The following GULP1 variants were observed in gnomAD, a reference collection of about 807,000 sequenced individuals.
The protein encoded by GULP1 is PTB domain-containing engulfment adapter protein 1.
A neutral mutation model predicts 40.9 loss-of-function variants in GULP1; 19 were observed. That is an observed-to-expected ratio of 0.46 (90% CI 0.32 to 0.68). GULP1 has a LOEUF of 0.68. Among genes scored for constraint, GULP1 ranks in the 30% least tolerant of loss-of-function variants. The pLI is 0.03. For synonymous variants in GULP1, 119 were observed against 117.6 expected (o/e 1.01, Z -0.08); for missense variants, 312 against 362.2 (o/e 0.86, Z 1.12).
At chr2:188,303,559 G>A (rs2036514563) in intron 1 of GULP1, among the ~76,000 whole-genome samples, 1 of 152,194 alleles carries the variant, frequency 6.6e-6, no homozygotes, top group South Asian at 2.1e-4. Flanking sequence ...GTAAAGCTGT[G>A]TGGCAACCAG....
chr2:188,330,775 T>C (rs533097059), intron 1 of GULP1, among the ~76,000 whole-genome samples: 1 of 152,332 alleles, frequency 6.6e-6, no homozygotes, highest in African/African-American at 2.4e-5. Flanking sequence ...TATTCTTTGT[T>C]TGAAAATGAA....
At chr2:188,533,656 T>A (rs1042790427) in intron 6 of GULP1, among the ~76,000 whole-genome samples, 9 of 152,134 alleles carry the variant, frequency 5.9e-5, no homozygotes, top group African/African-American at 2.2e-4. Flanking sequence ...AAAGAGCCTC[T>A]GCACAGCAAA....
intron 1 of GULP1, among the ~76,000 whole-genome samples, chr2:188,379,122 T>G (rs2152485918): frequency 6.6e-6 from 1 of 152,266 alleles, no homozygotes; most frequent in Non-Finnish European, 1.5e-5. Context: ...TCCTACTTTT[T>G]CTAATCAGAA....
At chr2:188,440,693 C>G (rs1202002163) in intron 2 of GULP1, among the ~76,000 whole-genome samples, 2 of 152,098 alleles carry the variant, frequency 1.3e-5, no homozygotes, top group Non-Finnish European at 2.9e-5. Flanking sequence ...GCCTCCTGAG[C>G]AGTCATACTA....
chr2:188,580,563 A>T (rs1250334181), intron 9 of GULP1, among the ~76,000 whole-genome samples: 1 of 152,028 alleles, frequency 6.6e-6, no homozygotes. Flanking sequence ...AAAAAAAAAA[A>T]AAAAATGGAG....
intron 1 of GULP1, among the ~76,000 whole-genome samples, chr2:188,299,285 G>T (rs1303737003): frequency 6.7e-6 from 1 of 149,046 alleles, no homozygotes; most frequent in East Asian, 1.9e-4. Flanking sequence ...CTAGGAGGGG[G>T]TTGTTTACTA....
chr2:188,322,921 C>T (rs912132190), intron 1 of GULP1, among the ~76,000 whole-genome samples: 6 of 152,088 alleles, frequency 3.9e-5, no homozygotes, highest in Admixed American at 3.3e-4. Flanking sequence ...CTTCAAAGTT[C>T]TGCCTTTTGT....
At chr2:188,347,799 G>A (rs961868757) in intron 1 of GULP1, among the ~76,000 whole-genome samples, 7 of 152,044 alleles carry the variant, frequency 4.6e-5, no homozygotes, top group Admixed American at 3.9e-4. Context: ...TCTATTTTTT[G>A]TAGAGATGGC....
chr2:188,333,847 GA>G (rs2041934431), intron 1 of GULP1, among the ~76,000 whole-genome samples: 1 of 152,112 alleles, frequency 6.6e-6, no homozygotes. Flanking sequence ...GTTCGGATGT[GA>G]TCACTCATTG....
chr2:188,344,844 A>G (rs35409022), intron 1 of GULP1, among the ~76,000 whole-genome samples: 22,030 of 152,250 alleles, frequency 0.14, 2,066 homozygotes, highest in South Asian at 0.26. Flanking sequence ...ACAGAAACAT[A>G]TACACACATA....
intron 1 of GULP1, among the ~76,000 whole-genome samples, chr2:188,313,598 G>T (rs565079653): frequency 1.3e-5 from 2 of 151,974 alleles, no homozygotes; most frequent in South Asian, 4.2e-4. Context: ...GCTATATGGG[G>T]TGTTCTTTGA....
At chr2:188,424,042 T>C (rs2055819751) in intron 2 of GULP1, among the ~76,000 whole-genome samples, 1 of 151,818 alleles carries the variant, frequency 6.6e-6, no homozygotes, top group Non-Finnish European at 1.5e-5. Flanking sequence ...TTTTATAGGC[T>C]TAAATGTGCT....
chr2:188,435,726 G>A (rs1341528316), intron 2 of GULP1, among the ~76,000 whole-genome samples: 2 of 151,990 alleles, frequency 1.3e-5, no homozygotes, highest in South Asian at 2.1e-4. Context: ...TCAGGTTGTC[G>A]GAATTCATTT....
Position 188,570,058 on chromosome 2 carries a change from C to A in GULP1, c.547C>A (p.Leu183Ile). 1.4e-6 allele frequency: 2 copies of A among 1,423,442 alleles called. No individual in the cohort carries two copies. Among genetic ancestry groups the A allele is most frequent in the South Asian group, 1.2e-5 (1 of 81,792 alleles). 88.2% of individuals were successfully genotyped at this position (1,423,442 alleles called of 1,614,324 possible). A position where few individuals can be genotyped will look rare whatever the true frequency, so the allele number is the denominator to read the frequency against. Residue 183 changes from leucine to isoleucine, a missense_variant, in exon 9 of 12, where the codon CTT (leucine) becomes ATT (isoleucine). Transcript: ENST00000409830. ...AGACTTAGAAACAGAAAATATGGAA[C>A]TTAAAAATAAAGTACAAGATTTGGA... is the stretch of plus-strand genomic sequence containing the variant. ...IQDLETENMELKNKVQDLENQ... is the reference protein window; with the variant it reads ...IQDLETENMEIKNKVQDLENQ...
intron 2 of GULP1, among the ~76,000 whole-genome samples, chr2:188,400,338 T>A (rs1250132047): frequency 6.6e-6 from 1 of 152,194 alleles, no homozygotes; most frequent in Non-Finnish European, 1.5e-5. Flanking sequence ...CTGAACTGAT[T>A]GCATCTACAA....
intron 2 of GULP1, among the ~76,000 whole-genome samples, chr2:188,471,801 T>C (rs184004799): frequency 1.1e-3 from 162 of 152,332 alleles, no homozygotes; most frequent in African/African-American, 3.5e-3. Context: ...CAGAGTAGTT[T>C]ACACACCACA....
At chr2:188,294,679 G>A (rs2034533891) in intron 1 of GULP1, among the ~76,000 whole-genome samples, 1 of 152,178 alleles carries the variant, frequency 6.6e-6, no homozygotes, top group African/African-American at 2.4e-5. Flanking sequence ...TGCTTTCTGA[G>A]ACTCACTTTG....
At chr2:188,476,655 C>G (rs1281636622) in intron 2 of GULP1, among the ~76,000 whole-genome samples, 1 of 152,076 alleles carries the variant, frequency 6.6e-6, no homozygotes, top group Non-Finnish European at 1.5e-5. Flanking sequence ...ACCTGTAACA[C>G]TAGTCCTCAC....
chr2:188,317,627 G>A (rs1260652778), intron 1 of GULP1, among the ~76,000 whole-genome samples: 1 of 151,944 alleles, frequency 6.6e-6, no homozygotes, highest in Non-Finnish European at 1.5e-5. Context: ...CAGAGTATAC[G>A]TGTTTTTGTT....
Sources: allele counts gnomAD v4.1 joint callset (sites outside exome capture counted in the v4.1 genomes callset), GRCh38; gene constraint gnomAD v4.1.1; transcripts MANE v1.5; gene names NCBI Gene and HGNC (gene_info 2026-07-23, HGNC 2026-07-21).